CES3: variants seen among roughly 807,000 people sequenced by gnomAD.
The protein encoded by CES3 is carboxylesterase 3.
A neutral mutation model predicts 57.6 loss-of-function variants in CES3; 49 were observed. That is an observed-to-expected ratio of 0.85 (90% confidence interval 0.68 to 1.08). CES3 has a LOEUF of 1.08. Ranked by LOEUF, CES3 falls within the 50% of genes least tolerant of loss-of-function variation. The pLI is 0.00. For missense variants in CES3, 645 were observed against 742.0 expected, an observed-to-expected ratio of 0.87 and a Z score of 1.52; for synonymous variants, 266 against 281.6, an observed-to-expected ratio of 0.94 and a Z score of 0.55.
At position 66,964,704 on chromosome 16, in the gene CES3, T is replaced by C. The variant is rs780689631; in HGVS notation, c.796T>C (p.Ser266Pro). 1.3e-5 allele frequency: 21 copies of C among 1,613,852 alleles called. No homozygotes were observed. In the Admixed American group the frequency reaches 1.3e-4, roughly 10 times the overall value. Reference sequence around the variant, plus strand: ...CATCACCACCCCAGGGATCATCGACTCTCACCCTTGGCCCCTAGCTCAGGT... The same window carrying C: ...CATCACCACCCCAGGGATCATCGACCCTCACCCTTGGCCCCTAGCTCAGGT... ...GVITTPGIID[S>P]HPWPLAQKIA... The change falls in exon 6 of 13, where the codon TCT (serine) becomes CCT (proline). Residue 266 changes from serine to proline, a missense_variant. Physicochemically the swap from Ser to Pro is moderately conservative, Grantham distance 74. Transcript: ENST00000303334.
chr16:66,968,366 C>G (rs1177697740), intron 8 of CES3, among the ~76,000 whole-genome samples: 1 of 152,020 alleles, frequency 6.6e-6, no homozygotes, highest in Non-Finnish European at 1.5e-5. Context: ...TGGGGTTTCT[C>G]CATGTTGGAC....
chr16:66,964,069 G>C (rs1963694224), intron 4 of CES3, 134 bp downstream of exon 4: 1 of 1,358,926 alleles, frequency 7.4e-7, no homozygotes, highest in Admixed American at 2.2e-5. Context: ...GGCAGAGAAG[G>C]GCACCCCCCA....
chr16:66,961,349 G>A lies in CES3; in HGVS notation c.42G>A (p.Gly14=), dbSNP rs1162474794. 1 of 1,613,728 alleles carries A rather than the reference G, an allele frequency of 6.2e-7. No homozygotes were observed. Among genetic ancestry groups the A allele is most frequent in the Non-Finnish European group, 8.5e-7 (1 of 1,179,880 alleles). The part of the protein sequence containing the change: ...AVRVESGVLV[G]VVCLLLACPA... ...GAGTGGAGTCCGGGGTCCTGGTCGG[G>A]GTGGTCTGTCTGCTCCTGGCATGCC... The change falls in exon 1 of 13, where the codon GGG becomes GGA. Residue 14 remains glycine, a synonymous_variant. Coordinates refer to ENST00000303334, the MANE Select transcript of CES3 (RefSeq NM_024922.6).
intron 1 of CES3, among the ~76,000 whole-genome samples, chr16:66,962,543 G>T (rs751829500): frequency 6.6e-6 from 1 of 152,186 alleles, no homozygotes; most frequent in Non-Finnish European, 1.5e-5. Flanking sequence ...AGGATTGCTT[G>T]AGCCCAGGGG....
At position 66,961,340 on chromosome 16, in the gene CES3, C is replaced by G. The variant is rs781029107; in HGVS notation, c.33C>G (p.Val11=). The change falls in exon 1 of 13, where the codon GTC becomes GTG. Residue 11 remains valine (V), a synonymous_variant. Transcript: ENST00000303334. MERAVRVESG[V]LVGVVCLLLA... ...GAGCAGTGAGAGTGGAGTCCGGGGT[C>G]CTGGTCGGGGTGGTCTGTCTGCTCC... 2.5e-6 allele frequency: 4 copies of G among 1,613,860 alleles called. No individual in the cohort carries two copies. The South Asian group carries it at 4.4e-5, about 18-fold the overall frequency.
chr16:66,964,418 T>TG lies in CES3; in HGVS notation c.625dup (p.Val209GlyfsTer11). 6.2e-7 allele frequency: 1 copy of TG among 1,614,132 alleles called. No individual in the cohort carries two copies. ...CCTAGATGTGGTAGCTGCTTTGCGC[T>TG]GGGTGCAAGAAAACATCGCCCCCTT... On this transcript the variant is annotated frameshift_variant, in exon 5 of 13. Transcript: ENST00000303334. LOFTEE classifies it high-confidence loss of function.
At chr16:66,965,011 T>A (rs1963710231) in intron 6 of CES3, among the ~76,000 whole-genome samples, 1 of 152,170 alleles carries the variant, frequency 6.6e-6, no homozygotes, top group Non-Finnish European at 1.5e-5. Context: ...GGCAGCATGG[T>A]GGAGGGGGTC....
chr16:66,966,502 C>A, intron 7 of CES3, 157 bp downstream of exon 7: 1 of 819,354 alleles, frequency 1.2e-6, no homozygotes, highest in Non-Finnish European at 1.9e-6. Flanking sequence ...AAATGGAGGG[C>A]CATCTCCATC....
rs777010662 is a variant in CES3, at chr16:66,971,244, T to C, written c.1216T>C (p.Cys406Arg). 2 of 1,614,084 alleles carry C rather than the reference T, an allele frequency of 1.2e-6. No homozygotes were observed. Among genetic ancestry groups the C allele is most frequent in the Non-Finnish European group, 1.7e-6 (2 of 1,179,968 alleles). The change falls in exon 10 of 13, where the codon TGC (cysteine) becomes CGC (arginine). Residue 406 changes from cysteine (C) to arginine (R), a missense_variant. Transcript: ENST00000303334. ...AAGCAACTCGGACGCACAAGCCAAA[T>C]GCCAGGCGTTCCAGGAATTCATGGG... ...LGSNSDAQAKCQAFQEFMGDV... is the reference protein window; with the variant it reads ...LGSNSDAQAKRQAFQEFMGDV...
At position 66,963,943 on chromosome 16, in the gene CES3, G is replaced by T. The variant is rs778969545; in HGVS notation, c.560+8G>T. The T allele has an allele frequency of 1.2e-6, 2 of 1,611,336 alleles. No homozygotes were observed. The highest frequency in any genetic ancestry group is 1.1e-5 in the South Asian group (1 of 91,010). On this transcript the variant is annotated splice_region_variant and intron_variant, in intron 4 of 12. Coordinates refer to ENST00000303334, the MANE Select transcript of CES3 (RefSeq NM_024922.6). This position sits in a 1 kb window ranked among gnomAD's most constrained non-coding sequence, Gnocchi z 4.9. Reference sequence around the variant, plus strand: ...GGTCCTTGGCTTCTTCAGGTGAGACGACAGGCATGGCCAGAGCACTGCCTG... The same window carrying T: ...GGTCCTTGGCTTCTTCAGGTGAGACTACAGGCATGGCCAGAGCACTGCCTG...
chr16:66,969,608 C>T (rs1963794827), intron 8 of CES3, 71 bp from the exon 9 acceptor site: 3 of 1,476,692 alleles, frequency 2.0e-6, no homozygotes, highest in Non-Finnish European at 2.8e-6. Context: ...TGAACACTCT[C>T]TTGCCCAGGG....
intron 8 of CES3, among the ~76,000 whole-genome samples, chr16:66,968,564 C>A (rs111565744): frequency 7.2e-5 from 11 of 152,298 alleles, no homozygotes; most frequent in African/African-American, 2.2e-4. Flanking sequence ...GAATCAATCC[C>A]CTCATATTGG....
chr16:66,966,908 G>T, intron 8 of CES3, 43 bp downstream of exon 8: 1 of 1,606,190 alleles, frequency 6.2e-7, no homozygotes, highest in Non-Finnish European at 8.5e-7. Context: ...CCCTGCCCCA[G>T]CCAGTACCTG....
Position 66,963,443 on chromosome 16 carries a change from G to A in CES3, c.288-48G>A. ...GGTTGCAGGAGAATCCTGCTGCTGG[G>A]GCTTGTGGGGCTGAACAGCTGGACC... On this transcript the variant is annotated intron_variant, in intron 2 of 12. Transcript: ENST00000303334. The surrounding 1 kb of genome is among the most constrained non-coding windows in gnomAD (Gnocchi z 4.9). 3 of 1,609,568 alleles carry A rather than the reference G, an allele frequency of 1.9e-6. No individual in the cohort carries two copies. The highest frequency in any genetic ancestry group is 2.6e-6 in the Non-Finnish European group (3 of 1,176,400).
Position 66,963,804 on chromosome 16 carries a change from C to T in CES3, c.429C>T (p.Val143=), listed in dbSNP as rs1392025449. 6.2e-7 allele frequency: 1 copy of T among 1,612,850 alleles called. No individual in the cohort carries two copies. Among genetic ancestry groups the T allele is most frequent in the Admixed American group, 1.7e-5 (1 of 59,976 alleles). The change falls in exon 4 of 13, where the codon GTC becomes GTT. Residue 143 remains valine, a splice_region_variant and synonymous_variant. Coordinates refer to ENST00000303334, the MANE Select transcript of CES3 (RefSeq NM_024922.6). The surrounding 1 kb of genome is among the most constrained non-coding windows in gnomAD (Gnocchi z 4.9). ...AEVPAGSGRP[V]MVWVHGGALI... Reference sequence around the variant, plus strand: ...GTGCCCCATGGCCACCTCTGCAGGTCATGGTATGGGTCCATGGAGGCGCTC... The same window carrying T: ...GTGCCCCATGGCCACCTCTGCAGGTTATGGTATGGGTCCATGGAGGCGCTC...
chr16:66,963,774 G>A lies in CES3; in HGVS notation c.427-28G>A, dbSNP rs1274371909. 1 of 1,609,436 alleles carries A rather than the reference G, an allele frequency of 6.2e-7. No individual in the cohort carries two copies. Among genetic ancestry groups the A allele is most frequent in the African/African-American group, 1.3e-5 (1 of 74,856 alleles). On this transcript the variant is annotated intron_variant, in intron 3 of 12. Coordinates refer to ENST00000303334, the MANE Select transcript of CES3 (RefSeq NM_024922.6). This position sits in a 1 kb window ranked among gnomAD's most constrained non-coding sequence, Gnocchi z 4.9. ...GCAGCTAAGGTCTCAGGAGCTTGGG[G>A]GTCAGTGCCCCATGGCCACCTCTGC...
In CES3 at chr16:66,972,473, G is replaced by T; in HGVS notation, c.1409G>T (p.Gly470Val). The change falls in exon 11 of 13, where the codon GGT (glycine) becomes GTT (valine). Residue 470 changes from glycine (G) to valine (V), a missense_variant. By Grantham distance (109) the Gly-to-Val change is moderately radical. Coordinates refer to ENST00000303334, the MANE Select transcript of CES3 (RefSeq NM_024922.6). ...GCCGAGGGTGCTTTTGTGTTCGGAG[G>T]TCCCTTCCTCATGGACGAGAGCTCC... ...HGAEGAFVFGGPFLMDESSRL... is the reference protein window; with the variant it reads ...HGAEGAFVFGVPFLMDESSRL... The T allele has an allele frequency of 6.2e-7, 1 of 1,613,834 alleles. No homozygotes were observed. The highest frequency in any genetic ancestry group is 8.5e-7 in the Non-Finnish European group (1 of 1,179,918).
At chr16:66,964,019 C>CT in intron 4 of CES3, 84 bp downstream of exon 4, 8 of 1,564,576 alleles carry the variant, frequency 5.1e-6, no homozygotes, top group Non-Finnish European at 5.2e-6. Context: ...AGGTTGGGGT[C>CT]CGGAACCTGA....
Position 66,966,809 on chromosome 16 carries a change from T to A in CES3, c.1006T>A (p.Ser336Thr), listed in dbSNP as rs757813704. The change falls in exon 8 of 13, where the codon TCT becomes ACT. Residue 336 changes from serine to threonine, a missense_variant. Ser to Thr is a moderately conservative substitution (Grantham distance 58). Transcript: ENST00000303334. ...ACTCCTGAAGGAGAAGCCCTTCCAC[T>A]CTGTGCCCTTCCTCATGGGTGTCAA... ...KELLKEKPFHSVPFLMGVNNH... is the reference protein window; with the variant it reads ...KELLKEKPFHTVPFLMGVNNH... 1.9e-6 allele frequency: 3 copies of A among 1,614,134 alleles called. No individual in the cohort carries two copies. The African/African-American group carries it at 4.0e-5, about 22-fold the overall frequency.
Sources: gnomAD v4.1 joint callset for allele counts (sites outside exome capture counted in the v4.1 genomes callset) on GRCh38, gnomAD v4.1.1 for gene constraint, Gnocchi (gnomAD v3.1) non-coding constraint, MANE v1.5 for transcripts, NCBI Gene and HGNC (gene_info 2026-07-23, HGNC 2026-07-21) for gene names.